Variants in MAP3K4 observed in about 807,000 individuals in gnomAD.
MAP3K4 encodes the protein MAP three kinase 1.
MAP3K4 carries 67 observed loss-of-function variants against 185.6 expected under a neutral mutation model. The ratio of observed to expected loss-of-function variants is 0.36; its 90% CI spans 0.30 to 0.44. The LOEUF is 0.44. Among genes scored for constraint, MAP3K4 ranks in the 20% least tolerant of loss-of-function variants. The pLI is 1.00. For synonymous variants in MAP3K4, 702 were observed against 710.4 expected (o/e 0.99, Z 0.19); for missense variants, 1,551 against 1,995.1 (o/e 0.78, Z 4.24).
intron 1 of MAP3K4, among the ~76,000 whole-genome samples, chr6:161,000,088 T>G (rs1328632043): frequency 6.6e-6 from 1 of 152,222 alleles, no homozygotes; most frequent in Non-Finnish European, 1.5e-5. Flanking sequence ...GGTCGTGACC[T>G]ACAGTAAGAA....
intron 1 of MAP3K4, among the ~76,000 whole-genome samples, chr6:161,003,790 T>G (rs1442434162): frequency 6.6e-6 from 1 of 152,198 alleles, no homozygotes; most frequent in Non-Finnish European, 1.5e-5. Context: ...TAAGGATATT[T>G]GGTTGTTTCT....
intron 1 of MAP3K4, among the ~76,000 whole-genome samples, chr6:161,029,193 T>C (rs1434050414): frequency 6.6e-6 from 1 of 152,006 alleles, no homozygotes; most frequent in Non-Finnish European, 1.5e-5. Context: ...GGTTAAAATA[T>C]CCATTTATTT....
At position 161,108,196 on chromosome 6, in the gene MAP3K4, C is replaced by T. The variant is rs186226048; in HGVS notation, c.4119+227C>T. ...TAAGTCACAGACAGTTCTAACAGCA[C>T]AGGTGTGAGAAGGGCCTATGAGGGT... On this transcript the variant is annotated intron_variant, in intron 21 of 26. Coordinates refer to ENST00000392142, the MANE Select transcript of MAP3K4 (RefSeq NM_005922.4). The surrounding 1 kb of genome is among the most constrained non-coding windows in gnomAD (Gnocchi z 5.7). Among the ~76,000 whole-genome samples, 1 of 152,264 alleles carries T rather than the reference C, an allele frequency of 6.6e-6. No individual in the cohort carries two copies. Among genetic ancestry groups the T allele is most frequent in the Admixed American group, 6.5e-5 (1 of 15,302 alleles).
At chr6:161,028,782 A>G (rs1352751972) in intron 1 of MAP3K4, among the ~76,000 whole-genome samples, 1 of 152,242 alleles carries the variant, frequency 6.6e-6, no homozygotes, top group East Asian at 1.9e-4. Flanking sequence ...GCTCTGAAAC[A>G]GTGCAAAAGT....
chr6:161,038,712 C>A (rs1293838511), intron 2 of MAP3K4, among the ~76,000 whole-genome samples: 1 of 152,194 alleles, frequency 6.6e-6, no homozygotes, highest in East Asian at 1.9e-4. Context: ...CATCCCTGTC[C>A]CAGGATGTCT....
intron 1 of MAP3K4, among the ~76,000 whole-genome samples, chr6:161,023,321 T>C (rs1340459735): frequency 6.6e-6 from 1 of 152,234 alleles, no homozygotes; most frequent in African/African-American, 2.4e-5. Context: ...AATAAATGAC[T>C]GTAAGCACAT....
chr6:161,058,315 C>T (rs116000342), intron 3 of MAP3K4, among the ~76,000 whole-genome samples: 3,254 of 152,298 alleles, frequency 0.021, 133 homozygotes, highest in African/African-American at 0.074. Context: ...ACTGGGTCCA[C>T]ATTCCCACAT....
chr6:161,080,954 A>G lies in MAP3K4; in HGVS notation c.2171A>G (p.Asn724Ser), dbSNP rs1299915865. 1 of 1,614,184 alleles carries G rather than the reference A, an allele frequency of 6.2e-7. No homozygotes were observed. The highest frequency in any genetic ancestry group is 1.6e-4 in the Middle Eastern group (1 of 6,062). ...CCTCAAGCATCGCATAGTTTAAAAA[A>G]TCTGTTAGAAGAAGAATGGAATTTC... is the stretch of plus-strand genomic sequence containing the variant. Reference protein sequence around the residue: ...QLPQASHSLKNLLEEEWNFTK... With the variant: ...QLPQASHSLKSLLEEEWNFTK... Residue 724 changes from asparagine (N) to serine (S), a missense_variant, in exon 6 of 27, where the codon AAT becomes AGT. Around this residue, in one of 16 missense-constraint regions of MAP3K4, gnomAD observed 130 missense variants for 171.3 expected, o/e 0.76. Coordinates refer to ENST00000392142, the MANE Select transcript of MAP3K4 (RefSeq NM_005922.4). This position sits in a 1 kb window ranked among gnomAD's most constrained non-coding sequence, Gnocchi z 4.8.
At position 161,086,734 on chromosome 6, in the gene MAP3K4, T is replaced by G. The variant is rs1375341016; in HGVS notation, c.2556+67T>G. The G allele has an allele frequency of 4.5e-6, 6 of 1,330,346 alleles. No homozygotes were observed. The African/African-American group carries it at 8.8e-5, about 20-fold the overall frequency. The allele number at this position is 1,330,346 out of a possible 1,614,324, so 82.4% of individuals were successfully genotyped here. On this transcript the variant is annotated intron_variant, in intron 9 of 26. Transcript: ENST00000392142. The surrounding 1 kb of genome is among the most constrained non-coding windows in gnomAD (Gnocchi z 4.8). ...CTTCTTTATTCTAAAACAGGCAGAC[T>G]TTTTCTTGAAGGTCCAGATAGTAAA...
chr6:161,089,092 T>C (rs562891367), intron 10 of MAP3K4, among the ~76,000 whole-genome samples: 23 of 152,300 alleles, frequency 1.5e-4, no homozygotes, highest in African/African-American at 5.5e-4. Flanking sequence ...AAAGATGTCA[T>C]GCCTGCAGTC....
intron 18 of MAP3K4, 113 bp downstream of exon 18, chr6:161,102,105 G>C: frequency 2.5e-6 from 2 of 798,690 alleles, no homozygotes; most frequent in Non-Finnish European, 4.0e-6. Context: ...TCCTTTTTTT[G>C]GTCCTTTCTA....
chr6:161,051,903 A>G lies in MAP3K4; in HGVS notation c.1707+1924A>G, dbSNP rs1784018806. Among the ~76,000 whole-genome samples the G allele has an allele frequency of 6.6e-6, 1 of 152,132 alleles. No homozygotes were observed. Among genetic ancestry groups the G allele is most frequent in the African/African-American group, 2.4e-5 (1 of 41,446 alleles). ...GATCTCACTACGTTGCCCAGGCTGG[A>G]CTCAAACTCGTGGGCTAAAACAGTC... On this transcript the variant is annotated intron_variant, in intron 3 of 26. Coordinates refer to ENST00000392142, the MANE Select transcript of MAP3K4 (RefSeq NM_005922.4). This position sits in a 1 kb window ranked among gnomAD's most constrained non-coding sequence, Gnocchi z 4.2.
Position 161,071,131 on chromosome 6 carries a change from C to T in MAP3K4, c.1950+281C>T, listed in dbSNP as rs1474876644. The stretch of plus-strand genomic sequence containing the variant: ...TGAAGACTAAAATTTAAAATTCATT[C>T]ATAAGAGGTAGAGTATAAGATTCTT... On this transcript the variant is annotated intron_variant, in intron 4 of 26. Transcript: ENST00000392142. The surrounding 1 kb of genome is among the most constrained non-coding windows in gnomAD (Gnocchi z 4.6). 6.6e-6 allele frequency among the ~76,000 whole-genome samples: 1 copy of T among 152,072 alleles called. No homozygotes were observed. The highest frequency in any genetic ancestry group is 2.4e-5 in the African/African-American group (1 of 41,410).
chr6:161,032,473 A>G (rs1299445426), intron 1 of MAP3K4, among the ~76,000 whole-genome samples: 2 of 152,188 alleles, frequency 1.3e-5, no homozygotes, highest in African/African-American at 4.8e-5. Flanking sequence ...AGTATTTATT[A>G]TCCTTATTTT....
In MAP3K4 at chr6:161,102,770, C is replaced by A; in HGVS notation, c.3847C>A (p.Gln1283Lys). ...TTGGGAACTTCGGACACTAATCAGC[C>A]AGAGTAAAGGTGAGAGAAAGAGTGT... ...RSWELRTLIS[Q>K]SKDTASKLGP... The change falls in exon 19 of 27, where the codon CAG (glutamine) becomes AAG (lysine). Residue 1283 changes from glutamine to lysine, a missense_variant. Physicochemically the swap from Gln to Lys is moderately conservative, Grantham distance 53 (BLOSUM62 1). This residue lies in a region of MAP3K4 where 272 missense variants were observed against 301.2 expected (regional missense o/e 0.90). Coordinates refer to ENST00000392142, the MANE Select transcript of MAP3K4 (RefSeq NM_005922.4). 1 of 1,503,840 alleles carries A rather than the reference C, an allele frequency of 6.6e-7. No homozygotes were observed. The highest frequency in any genetic ancestry group is 1.9e-5 in the Admixed American group (1 of 52,744). The allele number at this position is 1,503,840 out of a possible 1,614,324, so 93.2% of individuals were successfully genotyped here.
intron 1 of MAP3K4, among the ~76,000 whole-genome samples, chr6:161,019,784 T>C (rs1414109798): frequency 6.6e-6 from 1 of 152,216 alleles, no homozygotes; most frequent in Non-Finnish European, 1.5e-5. Context: ...AGTTTTCTAA[T>C]TATTCTTATT....
intron 3 of MAP3K4, among the ~76,000 whole-genome samples, chr6:161,057,525 G>A (rs571989643): frequency 1.1e-3 from 174 of 152,252 alleles, no homozygotes; most frequent in Non-Finnish European, 1.8e-3. Context: ...TTAAAAATAC[G>A]TGTGCCTAGC....
At chr6:161,006,414 ATAAT>A (rs1372044365) in intron 1 of MAP3K4, among the ~76,000 whole-genome samples, 52 of 152,224 alleles carry the variant, frequency 3.4e-4, no homozygotes, top group Non-Finnish European at 8.8e-5. Flanking sequence ...TATTCCCTAA[ATAAT>A]TCAGTGTAAC....
At position 161,084,514 on chromosome 6, in the gene MAP3K4, A is replaced by G. The variant is rs1387642389; in HGVS notation, c.2269A>G (p.Met757Val). Residue 757 changes from methionine to valine, a missense_variant, in exon 7 of 27, where the codon ATG (methionine) becomes GTG (valine). By Grantham distance (21) the Met-to-Val change is conservative. Around this residue, in one of 16 missense-constraint regions of MAP3K4, gnomAD observed 130 missense variants for 171.3 expected, o/e 0.76. Transcript: ENST00000392142. The surrounding 1 kb of genome is among the most constrained non-coding windows in gnomAD (Gnocchi z 4.6). ...TTGTTCCCTTAGTGACATTGCAGGAATGCTGCTGAAATCTACAGGAAGTTT... is the reference window on the plus strand; with the variant it reads ...TTGTTCCCTTAGTGACATTGCAGGAGTGCTGCTGAAATCTACAGGAAGTTT... ...AGKLFCDIAG[M>V]LLKSTGSFLE... 6.4e-7 allele frequency: 1 copy of G among 1,551,692 alleles called. No individual in the cohort carries two copies.
Sources: gnomAD v4.1 joint callset for allele counts (sites outside exome capture counted in the v4.1 genomes callset) on GRCh38, gnomAD v4.1.1 for gene constraint, gnomAD v4.1.1 regional missense constraint, Gnocchi (gnomAD v3.1) non-coding constraint, MANE v1.5 for transcripts, NCBI Gene and HGNC (gene_info 2026-07-23, HGNC 2026-07-21) for gene names.